The following ATP2B2 variants were observed in gnomAD, a reference collection of about 807,000 sequenced individuals.
ATP2B2 encodes the protein plasma membrane calcium-transporting ATPase 2.
A neutral mutation model predicts 120.0 loss-of-function variants in ATP2B2; 15 were observed. The observed-to-expected ratio is 0.12, with a 90% CI of 0.08 to 0.19. The LOEUF (loss-of-function observed/expected upper bound fraction) is 0.19, where lower values mean the gene tolerates loss of function less well. ATP2B2 is among the 10% of genes least tolerant of loss of function. The probability of loss-of-function intolerance (pLI) is 1.00; values close to 1 mark genes in which losing one functional copy is unlikely to be tolerated. For missense variants in ATP2B2, 1,045 were observed against 1,719.8 expected (o/e 0.61, Z 6.94); for synonymous variants, 694 against 700.3 (o/e 0.99, Z 0.14).
Position 10,410,819 on chromosome 3 carries a change from TG to T in ATP2B2, c.200-5del. On this transcript the variant is annotated splice_polypyrimidine_tract_variant and splice_region_variant and intron_variant, in intron 2 of 22. Transcript: ENST00000360273. ...TCTGGAGCGGTGCCCGGCAAACCTG[TG>T]GACAGAGAACAGAGAGGTTGGCTGG... is the stretch of plus-strand genomic sequence containing the variant. 2 of 1,613,432 alleles carry T rather than the reference TG, an allele frequency of 1.2e-6. No homozygotes were observed. Among genetic ancestry groups the T allele is most frequent in the Non-Finnish European group, 1.7e-6 (2 of 1,179,982 alleles).
chr3:10,432,318 A>T lies in ATP2B2; in HGVS notation c.199+17027T>A, dbSNP rs140023559. ...GGGACCTGCCCCTGACTCAGGCGAG[A>T]TCTCCATCAGCCTCCCACATTGAGG... On this transcript the variant is annotated intron_variant, in intron 2 of 22. Transcript: ENST00000360273. Among the ~76,000 whole-genome samples the T allele has an allele frequency of 3.0e-4, 45 of 152,304 alleles. 1 individual carries two copies. The East Asian group carries it at 8.7e-3, about 29-fold the overall frequency.
At chr3:10,415,137 G>A (rs2062737690) in intron 2 of ATP2B2, among the ~76,000 whole-genome samples, 1 of 152,228 alleles carries the variant, frequency 6.6e-6, no homozygotes, top group Admixed American at 6.5e-5. Context: ...AGCTCTGGGT[G>A]ACCTTGGTTA....
chr3:10,502,164 C>G (rs567314761), intron 1 of ATP2B2, among the ~76,000 whole-genome samples: 1 of 152,320 alleles, frequency 6.6e-6, no homozygotes, highest in South Asian at 2.1e-4. Context: ...GATTTCTTTC[C>G]TTTTTTCCCT....
chr3:10,340,740 G>A lies in ATP2B2; in HGVS notation c.2918-36C>T. On this transcript the variant is annotated intron_variant, in intron 19 of 22. Coordinates refer to ENST00000360273, the MANE Select transcript of ATP2B2 (RefSeq NM_001001331.4). This position sits in a 1 kb window ranked among gnomAD's most constrained non-coding sequence, Gnocchi z 5.0. The stretch of plus-strand genomic sequence containing the variant: ...AGAGAGTGGGGCTGGGCTGAAGGCA[G>A]TGGTGGGGGAATCAGAGGGGAGATG... 1 of 1,609,834 alleles carries A rather than the reference G, an allele frequency of 6.2e-7. No homozygotes were observed. The highest frequency in any genetic ancestry group is 8.5e-7 in the Non-Finnish European group (1 of 1,176,316).
chr3:10,414,702 A>C (rs2062723506), intron 2 of ATP2B2, among the ~76,000 whole-genome samples: 1 of 152,112 alleles, frequency 6.6e-6, no homozygotes, highest in Non-Finnish European at 1.5e-5. Context: ...TGAGACCCCC[A>C]AGGCTATGGA....
intron 2 of ATP2B2, among the ~76,000 whole-genome samples, chr3:10,553,021 C>G (rs1005117765): frequency 5.9e-5 from 9 of 152,192 alleles, no homozygotes; most frequent in Non-Finnish European, 1.0e-4. Flanking sequence ...TCCTCTATGG[C>G]CTCCAGCCTC....
intron 22 of ATP2B2, among the ~76,000 whole-genome samples, chr3:10,337,398 C>T (rs1034580542): frequency 2.6e-5 from 4 of 152,170 alleles, no homozygotes; most frequent in African/African-American, 4.8e-5. Flanking sequence ...AAGAGACCCA[C>T]AGAGTCCCTT....
chr3:10,416,510 A>G (rs1242739417), intron 2 of ATP2B2, among the ~76,000 whole-genome samples: 2 of 152,274 alleles, frequency 1.3e-5, no homozygotes, highest in East Asian at 1.9e-4. Context: ...CAATTCCCAT[A>G]TAGAAATCTT....
intron 3 of ATP2B2, among the ~76,000 whole-genome samples, chr3:10,514,708 C>A (rs1307717713): frequency 1.3e-5 from 2 of 152,218 alleles, no homozygotes; most frequent in Non-Finnish European, 2.9e-5. Context: ...CTACCTTGCT[C>A]AGGGCTCATC....
intron 2 of ATP2B2, among the ~76,000 whole-genome samples, chr3:10,615,592 C>A (rs564198084): frequency 6.6e-6 from 1 of 152,166 alleles, no homozygotes; most frequent in Non-Finnish European, 1.5e-5. Flanking sequence ...GACAGAAGGA[C>A]CTTGAAGCCA....
intron 1 of ATP2B2, among the ~76,000 whole-genome samples, chr3:10,462,225 T>G (rs1456849475): frequency 6.6e-6 from 1 of 152,188 alleles, no homozygotes; most frequent in Non-Finnish European, 1.5e-5. Flanking sequence ...CTCCAGGCCC[T>G]CAGGCTCTCC....
At chr3:10,349,998 C>T (rs1197188306) in intron 16 of ATP2B2, 114 bp downstream of exon 16, 12 of 1,087,290 alleles carry the variant, frequency 1.1e-5, no homozygotes, top group Non-Finnish European at 1.6e-5. Context: ...TGTGGAGAGT[C>T]AGGGGCGAGG....
intron 1 of ATP2B2, among the ~76,000 whole-genome samples, chr3:10,474,901 C>T (rs989644324): frequency 2.0e-5 from 3 of 152,272 alleles, no homozygotes; most frequent in Admixed American, 1.3e-4. Context: ...AGCGGGCTGA[C>T]CTGTCTCTGT....
At chr3:10,556,621 C>T (rs1243694705) in intron 2 of ATP2B2, among the ~76,000 whole-genome samples, 1 of 152,148 alleles carries the variant, frequency 6.6e-6, no homozygotes, top group Non-Finnish European at 1.5e-5. Flanking sequence ...AGAGCAAGGG[C>T]GAAACCCCTG....
At chr3:10,367,638 G>A (rs1158091828) in intron 12 of ATP2B2, among the ~76,000 whole-genome samples, 1 of 152,160 alleles carries the variant, frequency 6.6e-6, no homozygotes, top group Non-Finnish European at 1.5e-5. Context: ...TGGCAGAGGT[G>A]TGGCTCTGCC....
chr3:10,336,318 A>G, intron 22 of ATP2B2: 9 of 1,549,002 alleles, frequency 5.8e-6, no homozygotes, highest in Non-Finnish European at 7.9e-6. Context: ...GGAGGAGAGA[A>G]CGAGACAAGT....
At chr3:10,551,137 A>C (rs1166108129) in intron 2 of ATP2B2, among the ~76,000 whole-genome samples, 1 of 152,220 alleles carries the variant, frequency 6.6e-6, no homozygotes, top group Non-Finnish European at 1.5e-5. Context: ...GGGCATACCA[A>C]GTCGCTCAAA....
intron 1 of ATP2B2, among the ~76,000 whole-genome samples, chr3:10,489,619 C>T (rs2065859101): frequency 6.6e-6 from 1 of 152,182 alleles, no homozygotes; most frequent in South Asian, 2.1e-4. Context: ...CTGGGACTCA[C>T]TGCCTGCTGT....
chr3:10,660,641 G>A (rs1575600624), intron 1 of ATP2B2, among the ~76,000 whole-genome samples: 1 of 152,150 alleles, frequency 6.6e-6, no homozygotes. Context: ...AGGACCAGAC[G>A]GATTCACAGC....
Sources: allele counts gnomAD v4.1 joint callset (sites outside exome capture counted in the v4.1 genomes callset), GRCh38; gene constraint gnomAD v4.1.1; non-coding constraint Gnocchi (gnomAD v3.1); transcripts MANE v1.5; gene names NCBI Gene and HGNC (gene_info 2026-07-23, HGNC 2026-07-21).